The following NKAIN2 variants were observed in gnomAD, a reference collection of about 807,000 sequenced individuals.
The protein encoded by NKAIN2 is sodium/potassium-transporting ATPase subunit beta-1-interacting protein 2.
A neutral mutation model predicts 32.6 loss-of-function variants in NKAIN2; 14 were observed. That is an observed-to-expected ratio of 0.43 (90% CI 0.28 to 0.67). The LOEUF is 0.67. NKAIN2 is among the 30% of genes least tolerant of loss of function. The probability of loss-of-function intolerance (pLI) is 0.17; values close to 1 mark genes in which losing one functional copy is unlikely to be tolerated. For synonymous variants in NKAIN2, 80 were observed against 87.2 expected, an observed-to-expected ratio of 0.92 and a Z score of 0.46; for missense variants, 198 against 258.3, an observed-to-expected ratio of 0.77 and a Z score of 1.60.
intron 3 of NKAIN2, among the ~76,000 whole-genome samples, chr6:124,366,743 A>G (rs1799532551): frequency 6.6e-6 from 1 of 152,026 alleles, no homozygotes; most frequent in South Asian, 2.1e-4. Flanking sequence ...CCTCAGCAAC[A>G]TGGTGAAACC....
intron 1 of NKAIN2, among the ~76,000 whole-genome samples, chr6:124,019,090 A>G (rs1190621301): frequency 6.6e-6 from 1 of 152,146 alleles, no homozygotes; most frequent in Non-Finnish European, 1.5e-5. Context: ...TTATAAAACC[A>G]TCAGATCTCA....
At chr6:123,948,597 A>ATTTTTTTTTTTTTTTT (rs71021472) in intron 1 of NKAIN2, among the ~76,000 whole-genome samples, 5 of 49,278 alleles carry the variant, frequency 1.0e-4, no homozygotes, top group Non-Finnish European at 2.1e-4. Flanking sequence ...CTTAAATGGG[A>ATTTTTTTTTTTTTTTT]TTTTTTTTTT....
chr6:124,809,048 C>T (rs1286072868), intron 5 of NKAIN2, among the ~76,000 whole-genome samples: 1 of 152,128 alleles, frequency 6.6e-6, no homozygotes, highest in Non-Finnish European at 1.5e-5. Flanking sequence ...GTGAAAATGG[C>T]CATACTGCCC....
chr6:123,815,109 C>T (rs1773635094), intron 1 of NKAIN2, among the ~76,000 whole-genome samples: 1 of 151,052 alleles, frequency 6.6e-6, no homozygotes, highest in Admixed American at 6.7e-5. Context: ...CTGAAAAGAA[C>T]GTCAAGCCGT....
At chr6:124,529,916 G>T (rs567871319) in intron 3 of NKAIN2, among the ~76,000 whole-genome samples, 10 of 152,194 alleles carry the variant, frequency 6.6e-5, no homozygotes, top group Non-Finnish European at 1.5e-4. Flanking sequence ...TAATCCAAAT[G>T]TGATGGACAT....
At chr6:123,894,460 A>G (rs1365079916) in intron 1 of NKAIN2, among the ~76,000 whole-genome samples, 1 of 152,234 alleles carries the variant, frequency 6.6e-6, no homozygotes, top group African/African-American at 2.4e-5. Flanking sequence ...TGTGAAGGTT[A>G]GAGAAGGTGT....
At position 124,673,731 on chromosome 6, in the gene NKAIN2, G is replaced by A. The variant is rs181254421; in HGVS notation, c.474+15345G>A. Among the ~76,000 whole-genome samples the A allele has an allele frequency of 2.5e-3, 370 of 148,574 alleles. 3 individuals carry two copies. The highest frequency in any genetic ancestry group is 1.8e-3 in the Non-Finnish European group (117 of 66,726). ...AGTTCTTTGCCCATTTTTTAATTGG[G>A]TTTTTTTTTCACTATTAAATTTTAG... is the stretch of plus-strand genomic sequence containing the variant. On this transcript the variant is annotated intron_variant, in intron 4 of 6. Transcript: ENST00000368417.
intron 1 of NKAIN2, among the ~76,000 whole-genome samples, chr6:123,903,966 G>A (rs765105602): frequency 1.0e-4 from 15 of 150,536 alleles, no homozygotes; most frequent in Non-Finnish European, 2.1e-4. Flanking sequence ...GGTGGCTCAC[G>A]CCTGTAATCA....
intron 1 of NKAIN2, among the ~76,000 whole-genome samples, chr6:123,944,671 A>G (rs905218618): frequency 2.4e-4 from 36 of 152,144 alleles, no homozygotes; most frequent in African/African-American, 8.4e-4. Flanking sequence ...CTTGAGAAAA[A>G]ACTTGAGAAA....
chr6:124,376,556 A>G (rs1037944572), intron 3 of NKAIN2, among the ~76,000 whole-genome samples: 11 of 152,130 alleles, frequency 7.2e-5, no homozygotes, highest in African/African-American at 2.4e-4. Flanking sequence ...AATTTGATAC[A>G]TATTTTCAAA....
chr6:123,813,893 A>T (rs1197723806), intron 1 of NKAIN2, among the ~76,000 whole-genome samples: 3 of 152,032 alleles, frequency 2.0e-5, no homozygotes, highest in African/African-American at 7.2e-5. Flanking sequence ...TTTAAATAAA[A>T]CTTGCTCACA....
At chr6:124,703,340 A>G (rs1420343815) in intron 4 of NKAIN2, among the ~76,000 whole-genome samples, 1 of 152,074 alleles carries the variant, frequency 6.6e-6, no homozygotes, top group Non-Finnish European at 1.5e-5. Flanking sequence ...GAGAATCAAC[A>G]TAAACTTTAA....
chr6:124,635,187 A>C (rs909361192), intron 3 of NKAIN2, among the ~76,000 whole-genome samples: 4 of 152,062 alleles, frequency 2.6e-5, no homozygotes, highest in Non-Finnish European at 5.9e-5. Context: ...AGAAGCAAAA[A>C]CTGAATAATT....
intron 1 of NKAIN2, among the ~76,000 whole-genome samples, chr6:123,836,790 G>A (rs1489391561): frequency 6.6e-6 from 1 of 152,094 alleles, no homozygotes; most frequent in African/African-American, 2.4e-5. Flanking sequence ...GGGAAGTGTG[G>A]TGAAGGTTAC....
At chr6:124,159,481 C>T (rs1788162355) in intron 1 of NKAIN2, among the ~76,000 whole-genome samples, 2 of 152,052 alleles carry the variant, frequency 1.3e-5, no homozygotes, top group Non-Finnish European at 1.5e-5. Context: ...AAAACCTCAC[C>T]CTCTGCCTTC....
At chr6:124,637,453 CTT>C (rs1197159327) in intron 3 of NKAIN2, among the ~76,000 whole-genome samples, 2 of 151,960 alleles carry the variant, frequency 1.3e-5, no homozygotes, top group Non-Finnish European at 2.9e-5. Context: ...AATTGTCCCT[CTT>C]TGCAAATAAC....
At chr6:124,005,174 G>A (rs967900663) in intron 1 of NKAIN2, among the ~76,000 whole-genome samples, 2 of 152,036 alleles carry the variant, frequency 1.3e-5, no homozygotes, top group Admixed American at 6.6e-5. Flanking sequence ...GCAGTGAGCC[G>A]AGATCTCGCC....
chr6:124,486,453 C>A (rs1777653206), intron 3 of NKAIN2, among the ~76,000 whole-genome samples: 1 of 152,054 alleles, frequency 6.6e-6, no homozygotes, highest in Admixed American at 6.6e-5. Context: ...TTTCAGATTT[C>A]TGTGTATTAT....
intron 4 of NKAIN2, among the ~76,000 whole-genome samples, chr6:124,779,254 A>C (rs1779133768): frequency 3.8e-5 from 1 of 25,990 alleles, no homozygotes; most frequent in Admixed American, 5.5e-4. Context: ...AGAAAGAGAG[A>C]GAGAGAGAGA....
Sources: allele counts gnomAD v4.1 joint callset (sites outside exome capture counted in the v4.1 genomes callset), GRCh38; gene constraint gnomAD v4.1.1; transcripts MANE v1.5; gene names NCBI Gene and HGNC (gene_info 2026-07-23, HGNC 2026-07-21).